EYS: variants seen among roughly 807,000 people sequenced by gnomAD.
The protein encoded by EYS is protein eyes shut homolog.
In EYS, 250 loss-of-function variants were observed where a neutral mutation model predicts 282.1. That is an observed-to-expected ratio of 0.89 (90% CI 0.80 to 0.98). EYS has a LOEUF of 0.98. Among genes scored for constraint, EYS ranks in the 50% least tolerant of loss-of-function variants. The pLI is 0.00. For missense variants in EYS, 4,016 were observed against 3,709.0 expected (o/e 1.08, Z -2.15); for synonymous variants, 1,355 against 1,282.9 (o/e 1.06, Z -1.20).
At position 65,495,357 on chromosome 6, in the gene EYS, G is replaced by T; in HGVS notation, c.54C>A (p.Phe18Leu). The stretch of plus-strand genomic sequence containing the variant: ...GCCGTCTACATGTTTTTCCATTTAT[G>T]AAAGAGCTGTGAAAAACCATCAGGC... ...ILSLMVFHSS[F>L]INGKTCRRQL... Residue 18 changes from phenylalanine (F) to leucine (L), a missense_variant, in exon 4 of 43, where the codon TTC becomes TTA. Coordinates refer to ENST00000503581, the MANE Select transcript of EYS (RefSeq NM_001142800.2). 6.2e-7 allele frequency: 1 copy of T among 1,613,450 alleles called. No homozygotes were observed. The highest frequency in any genetic ancestry group is 8.5e-7 in the Non-Finnish European group (1 of 1,179,982).
chr6:65,115,957 T>TA (rs1176857796), intron 12 of EYS, among the ~76,000 whole-genome samples: 131 of 126,078 alleles, frequency 1.0e-3, no homozygotes, highest in African/African-American at 4.5e-3. Flanking sequence ...TCTGTCTGTC[T>TA]GTCTATCTAA....
intron 12 of EYS, among the ~76,000 whole-genome samples, chr6:65,077,249 A>G (rs979264090): frequency 5.3e-5 from 8 of 152,126 alleles, no homozygotes; most frequent in Non-Finnish European, 1.2e-4. Context: ...TGGCCTCTGC[A>G]GAATGTCATT....
At chr6:63,788,928 A>G in intron 38 of EYS, 130 bp downstream of exon 38, 1 of 812,564 alleles carries the variant, frequency 1.2e-6, no homozygotes, top group Non-Finnish European at 1.9e-6. Context: ...CTATTCCCCT[A>G]GTTGGTACAA....
At chr6:64,998,617 GC>G (rs1226243272) in intron 13 of EYS, among the ~76,000 whole-genome samples, 2 of 152,140 alleles carry the variant, frequency 1.3e-5, no homozygotes, top group South Asian at 2.1e-4. Context: ...AGAATAGGCA[GC>G]TCCTTAGACA....
chr6:64,151,320 TA>T (rs1774706000), intron 31 of EYS, among the ~76,000 whole-genome samples: 31 of 26,772 alleles, frequency 1.2e-3, no homozygotes, highest in South Asian at 3.6e-3. Flanking sequence ...TGTATATTTA[TA>T]TATATATATA....
rs1436849142 is a variant in EYS at position 64,001,307 on chromosome 6, G to A, written c.6726-2124C>T. The stretch of plus-strand genomic sequence containing the variant: ...AGCAATTATTTGCTGACTAGACAGG[G>A]ATCTCTAAGGAGATTTTTGTAAAAA... On this transcript the variant is annotated intron_variant, in intron 33 of 42. Coordinates refer to ENST00000503581, the MANE Select transcript of EYS (RefSeq NM_001142800.2). Among the ~76,000 whole-genome samples, 3 of 152,306 alleles carry A rather than the reference G, an allele frequency of 2.0e-5. No homozygotes were observed. In the South Asian group the frequency reaches 6.2e-4, roughly 32 times the overall value.
intron 35 of EYS, among the ~76,000 whole-genome samples, chr6:63,924,668 G>C (rs1042458073): frequency 1.3e-5 from 2 of 152,130 alleles, no homozygotes; most frequent in East Asian, 1.9e-4. Flanking sequence ...TCAGATTCCT[G>C]ATGTGTAAAA....
chr6:64,767,053 AC>A (rs1212022710), intron 22 of EYS, among the ~76,000 whole-genome samples: 1 of 151,142 alleles, frequency 6.6e-6, no homozygotes, highest in Non-Finnish European at 1.5e-5. Context: ...CTTTATATTC[AC>A]ATGAGCTATA....
At position 63,864,354 on chromosome 6, in the gene EYS, T is replaced by G; in HGVS notation, c.7060A>C (p.Asn2354His). ...GGACACTCACAAAACAGATTTTCAT[T>G]ATCACTGAGAAGGGAAAAAATTTAA... ...CRNNGTCISD[N>H]ENLFCECPRL... is the part of the protein sequence containing the mutation. The change falls in exon 36 of 43, where the codon AAT becomes CAT. Residue 2354 changes from asparagine (N) to histidine (H), a missense_variant. Asn to His is a moderately conservative substitution (Grantham distance 68). Coordinates refer to ENST00000503581, the MANE Select transcript of EYS (RefSeq NM_001142800.2). The G allele has an allele frequency of 6.5e-7, 1 of 1,550,020 alleles. No homozygotes were observed. The highest frequency in any genetic ancestry group is 8.7e-7 in the Non-Finnish European group (1 of 1,145,872).
intron 13 of EYS, among the ~76,000 whole-genome samples, chr6:65,017,957 C>T (rs1772107978): frequency 6.6e-6 from 1 of 152,180 alleles, no homozygotes; most frequent in African/African-American, 2.4e-5. Flanking sequence ...ACCCTCTTAA[C>T]AAAGTGCTCC....
chr6:64,002,177 G>A (rs1768127566), intron 33 of EYS, among the ~76,000 whole-genome samples: 1 of 152,196 alleles, frequency 6.6e-6, no homozygotes, highest in African/African-American at 2.4e-5. Context: ...GAGTTTGGCT[G>A]GGGGCTGTCA....
At chr6:63,741,233 T>C (rs1769068526) in intron 41 of EYS, among the ~76,000 whole-genome samples, 1 of 152,150 alleles carries the variant, frequency 6.6e-6, no homozygotes, top group South Asian at 2.1e-4. Flanking sequence ...GTCTTTATTA[T>C]AAATAGAATC....
chr6:64,527,516 A>G (rs371513570), intron 26 of EYS, among the ~76,000 whole-genome samples: 3 of 151,940 alleles, frequency 2.0e-5, no homozygotes, highest in East Asian at 1.9e-4. Context: ...TGTTCACACG[A>G]CTATCCTTGA....
intron 13 of EYS, among the ~76,000 whole-genome samples, chr6:65,048,697 T>C (rs1269275717): frequency 6.6e-6 from 1 of 151,884 alleles, no homozygotes; most frequent in Non-Finnish European, 1.5e-5. Context: ...TGCTTGAAGC[T>C]CTCCTGATCT....
intron 31 of EYS, among the ~76,000 whole-genome samples, chr6:64,141,512 A>AT (rs950876940): frequency 6.6e-6 from 1 of 151,852 alleles, no homozygotes; most frequent in African/African-American, 2.4e-5. Flanking sequence ...CTCTTTTTTT[A>AT]TTTTTATTTT....
chr6:64,279,041 A>G (rs1768213030), intron 30 of EYS, among the ~76,000 whole-genome samples: 1 of 152,296 alleles, frequency 6.6e-6, no homozygotes, highest in South Asian at 2.1e-4. Context: ...TCACTACTAC[A>G]AAAACATGCT....
At chr6:65,433,555 T>A (rs1767959568) in intron 5 of EYS, among the ~76,000 whole-genome samples, 1 of 152,198 alleles carries the variant, frequency 6.6e-6, no homozygotes, top group African/African-American at 2.4e-5. Context: ...ATATGAGAGA[T>A]GAAAGTAATA....
intron 33 of EYS, among the ~76,000 whole-genome samples, chr6:64,001,727 A>G (rs1768104476): frequency 6.6e-6 from 1 of 152,252 alleles, no homozygotes; most frequent in South Asian, 2.1e-4. Flanking sequence ...TAACACAGAA[A>G]GATATTTGCG....
In EYS at chr6:65,604,840, C is replaced by CG. The variant is rs1446126196; in HGVS notation, c.-333+34937_-333+34938insC. On this transcript the variant is annotated intron_variant, in intron 2 of 42. Coordinates refer to ENST00000503581, the MANE Select transcript of EYS (RefSeq NM_001142800.2). ...GTAAAAGACCTTTAAATTCACTGCCCCCTTTTTTTTTTTTTTTTTTTGAGA... is the reference window on the plus strand; with the variant it reads ...GTAAAAGACCTTTAAATTCACTGCCCGCCTTTTTTTTTTTTTTTTTTTGAGA... Among the ~76,000 whole-genome samples the CG allele has an allele frequency of 4.4e-5, 5 of 113,294 alleles. No individual in the cohort carries two copies. The Admixed American group carries it at 5.6e-4, about 13-fold the overall frequency. The allele number at this position is 113,294 out of a possible 152,430, so 74.3% of individuals were successfully genotyped here.
Sources: gnomAD v4.1 joint callset for allele counts (sites outside exome capture counted in the v4.1 genomes callset) on GRCh38, gnomAD v4.1.1 for gene constraint, MANE v1.5 for transcripts, NCBI Gene and HGNC (gene_info 2026-07-23, HGNC 2026-07-21) for gene names.